The following SORCS3 variants were observed in gnomAD, a reference collection of about 807,000 sequenced individuals.
The protein encoded by SORCS3 is VPS10 domain-containing receptor SorCS3.
A neutral mutation model predicts 146.3 loss-of-function variants in SORCS3; 57 were observed. The observed-to-expected ratio is 0.39, with a 90% confidence interval of 0.31 to 0.49. SORCS3 has a LOEUF of 0.49. Among genes scored for constraint, SORCS3 ranks in the 20% least tolerant of loss-of-function variants. The probability of loss-of-function intolerance (pLI) is 0.92; values close to 1 mark genes in which losing one functional copy is unlikely to be tolerated. For synonymous variants in SORCS3, 653 were observed against 618.5 expected, an observed-to-expected ratio of 1.06 and a Z score of -0.83; for missense variants, 1,341 against 1,575.5, an observed-to-expected ratio of 0.85 and a Z score of 2.52.
intron 1 of SORCS3, among the ~76,000 whole-genome samples, chr10:104,781,684 A>G (rs2017376010): frequency 6.6e-6 from 1 of 152,260 alleles, no homozygotes; most frequent in Non-Finnish European, 1.5e-5. Flanking sequence ...TTACTGTATC[A>G]TTGTGCCTTG....
chr10:104,819,093 C>T (rs931437906), intron 1 of SORCS3, among the ~76,000 whole-genome samples: 1 of 152,076 alleles, frequency 6.6e-6, no homozygotes, highest in Non-Finnish European at 1.5e-5. Flanking sequence ...AGGGGGGTGA[C>T]ATACTTTTTT....
At chr10:105,246,142 A>G (rs139318321) in intron 21 of SORCS3, among the ~76,000 whole-genome samples, 4 of 152,260 alleles carry the variant, frequency 2.6e-5, no homozygotes, top group African/African-American at 9.6e-5. Context: ...CTAGATAATA[A>G]GGCTAAGAAT....
chr10:105,097,674 T>C (rs1424128107), intron 6 of SORCS3, among the ~76,000 whole-genome samples: 1 of 152,168 alleles, frequency 6.6e-6, no homozygotes, highest in African/African-American at 2.4e-5. Context: ...TTTTCATCAG[T>C]TTACTAATGA....
chr10:104,734,737 A>G (rs1036352318), intron 1 of SORCS3, among the ~76,000 whole-genome samples: 1 of 152,342 alleles, frequency 6.6e-6, no homozygotes, highest in African/African-American at 2.4e-5. Context: ...GGGAGAGACC[A>G]TGTTTTGCAA....
intron 3 of SORCS3, among the ~76,000 whole-genome samples, chr10:104,929,645 A>G (rs2019185602): frequency 6.6e-6 from 1 of 152,180 alleles, no homozygotes; most frequent in Non-Finnish European, 1.5e-5. Context: ...CTGGGCTTCA[A>G]GCTGGCCCCT....
At chr10:104,995,108 C>T (rs1221606718) in intron 4 of SORCS3, among the ~76,000 whole-genome samples, 1 of 150,646 alleles carries the variant, frequency 6.6e-6, no homozygotes, top group African/African-American at 2.4e-5. Flanking sequence ...AATAGCCAGT[C>T]TTTTTAATTT....
intron 4 of SORCS3, among the ~76,000 whole-genome samples, chr10:105,004,692 G>GTATAGAA (rs952531418): frequency 6.6e-6 from 1 of 151,958 alleles, no homozygotes; most frequent in African/African-American, 2.4e-5. Flanking sequence ...CCCTGTGGGG[G>GTATAGAA]TATAGAATAG....
intron 2 of SORCS3, among the ~76,000 whole-genome samples, chr10:104,887,959 C>CGGGGG (rs1212866137): frequency 1.8e-3 from 12 of 6,586 alleles, no homozygotes; most frequent in South Asian, 4.0e-3. Context: ...ATGGTGGGGG[C>CGGGGG]GGGGGGGCGG....
chr10:104,927,445 G>T (rs1022974595), intron 3 of SORCS3, among the ~76,000 whole-genome samples: 24 of 152,242 alleles, frequency 1.6e-4, no homozygotes, highest in African/African-American at 5.8e-4. Context: ...ACCCAGATGA[G>T]AGGTCATTGA....
chr10:104,950,404 T>G (rs148166245), intron 3 of SORCS3, among the ~76,000 whole-genome samples: 1 of 152,170 alleles, frequency 6.6e-6, no homozygotes, highest in Non-Finnish European at 1.5e-5. Flanking sequence ...TCACCGGACT[T>G]TTCTCTGAAA....
intron 12 of SORCS3, among the ~76,000 whole-genome samples, chr10:105,165,534 A>G (rs2056305420): frequency 6.6e-6 from 1 of 152,186 alleles, no homozygotes; most frequent in East Asian, 1.9e-4. Flanking sequence ...CTTACGAGAC[A>G]AAAGCAACTA....
rs745413384 is a variant in SORCS3, at chr10:105,178,173, C to T, written c.2009C>T (p.Thr670Ile). The change falls in exon 14 of 27, where the codon ACA becomes ATA. Residue 670 changes from threonine (T) to isoleucine (I), a missense_variant and splice_region_variant. By Grantham distance (89) the Thr-to-Ile change is moderately conservative (BLOSUM62 -1). Coordinates refer to ENST00000369701, the MANE Select transcript of SORCS3 (RefSeq NM_014978.3). ...VEAGMETHIMTVFGHFSLRSE... is the reference protein window; with the variant it reads ...VEAGMETHIMIVFGHFSLRSE... ...GCAGGAATGGAGACCCACATCATGA[C>T]GTGAGTACTTCTTTTGCTGTGACAG... is the stretch of plus-strand genomic sequence containing the variant. The T allele has an allele frequency of 5.6e-6, 9 of 1,604,730 alleles. No homozygotes were observed. The highest frequency in any genetic ancestry group is 3.4e-5 in the Admixed American group (2 of 59,228).
intron 2 of SORCS3, among the ~76,000 whole-genome samples, chr10:104,862,016 C>T (rs1376430377): frequency 6.6e-6 from 1 of 152,180 alleles, no homozygotes; most frequent in Non-Finnish European, 1.5e-5. Flanking sequence ...AGGAGCCCAT[C>T]CTACTGCAGT....
intron 2 of SORCS3, among the ~76,000 whole-genome samples, chr10:104,856,915 A>G (rs2018341462): frequency 6.7e-6 from 1 of 148,848 alleles, no homozygotes; most frequent in African/African-American, 2.5e-5. Flanking sequence ...AGTGATAGGG[A>G]GAGAGAGACC....
chr10:104,876,494 A>G (rs921392185), intron 2 of SORCS3, among the ~76,000 whole-genome samples: 5 of 152,212 alleles, frequency 3.3e-5, no homozygotes, highest in Non-Finnish European at 5.9e-5. Flanking sequence ...GACCCAGAAA[A>G]GCTTTCTGAT....
intron 16 of SORCS3, among the ~76,000 whole-genome samples, chr10:105,202,353 T>A (rs756453152): frequency 6.6e-6 from 1 of 152,096 alleles, no homozygotes; most frequent in Non-Finnish European, 1.5e-5. Context: ...CATTACCACC[T>A]CCTGCACCTT....
At chr10:104,897,304 T>C (rs1345109348) in intron 2 of SORCS3, among the ~76,000 whole-genome samples, 1 of 152,224 alleles carries the variant, frequency 6.6e-6, no homozygotes, top group Non-Finnish European at 1.5e-5. Context: ...ATTGACTATT[T>C]AATACCTTTC....
At position 104,889,593 on chromosome 10, in the gene SORCS3, T is replaced by A. The variant is rs186909576; in HGVS notation, c.696-26240T>A. On this transcript the variant is annotated intron_variant, in intron 2 of 26. Transcript: ENST00000369701. ...TATCACAGGCTAGATTCAAGTGACA[T>A]TTTACCATCTCACAAAAGGCACAAG... Among the ~76,000 whole-genome samples the A allele has an allele frequency of 7.2e-5, 11 of 152,192 alleles. No homozygotes were observed. In the East Asian group the frequency reaches 1.2e-3, roughly 16 times the overall value.
chr10:105,061,505 C>A (rs1184510864), intron 5 of SORCS3, among the ~76,000 whole-genome samples: 1 of 151,860 alleles, frequency 6.6e-6, no homozygotes, highest in Non-Finnish European at 1.5e-5. Flanking sequence ...CCGTGTTAGC[C>A]AGGATGCTCT....
Sources: gnomAD v4.1 joint callset for allele counts (sites outside exome capture counted in the v4.1 genomes callset) on GRCh38, gnomAD v4.1.1 for gene constraint, MANE v1.5 for transcripts, NCBI Gene and HGNC (gene_info 2026-07-23, HGNC 2026-07-21) for gene names.